PAPPA2: variants seen among roughly 807,000 people sequenced by gnomAD.
The protein encoded by PAPPA2 is pappalysin 2.
PAPPA2 carries 86 observed loss-of-function variants against 176.4 expected under a neutral mutation model. The observed-to-expected ratio is 0.49, with a 90% confidence interval of 0.41 to 0.58. PAPPA2 has a LOEUF of 0.58. PAPPA2 is among the 20% of genes least tolerant of loss of function. The pLI is 0.00. For missense variants in PAPPA2, 2,073 were observed against 2,256.9 expected (o/e 0.92, Z 1.65); for synonymous variants, 809 against 852.2 (o/e 0.95, Z 0.88).
At chr1:176,711,741 GA>G in intron 11 of PAPPA2, 93 bp from the exon 12 acceptor site, 1 of 1,386,102 alleles carries the variant, frequency 7.2e-7, no homozygotes, top group Non-Finnish European at 1.0e-6. Flanking sequence ...TTCAGAAAGA[GA>G]GAACAACTTT....
At chr1:176,800,841 T>G (rs1557880070) in intron 21 of PAPPA2, among the ~76,000 whole-genome samples, 1 of 152,200 alleles carries the variant, frequency 6.6e-6, no homozygotes, top group African/African-American at 2.4e-5. Flanking sequence ...GTAGACCTGT[T>G]GTCCACTGTT....
chr1:176,710,288 T>C, intron 11 of PAPPA2, 112 bp downstream of exon 11: 1 of 947,068 alleles, frequency 1.1e-6, no homozygotes, highest in Non-Finnish European at 1.6e-6. Context: ...AGTAAGGAGT[T>C]AGAAGCCCTA....
intron 17 of PAPPA2, among the ~76,000 whole-genome samples, chr1:176,772,204 C>G (rs1020332445): frequency 6.6e-6 from 1 of 152,152 alleles, no homozygotes; most frequent in Admixed American, 6.5e-5. Flanking sequence ...AAAAGAAACT[C>G]CTTGCATTTA....
intron 21 of PAPPA2, 150 bp downstream of exon 21, chr1:176,800,282 T>A: frequency 1.4e-6 from 1 of 739,362 alleles, no homozygotes; most frequent in Non-Finnish European, 2.1e-6. Flanking sequence ...TCCACGATCT[T>A]AAATTTACAG....
rs181085025 is a variant in PAPPA2 at position 176,466,737 on chromosome 1, C to G, written c.-917+3319C>G. Among the ~76,000 whole-genome samples, 39 of 152,174 alleles carry G rather than the reference C, an allele frequency of 2.6e-4. No homozygotes were observed. In the East Asian group the frequency reaches 7.6e-3, roughly 30 times the overall value. ...GCTATGAACCCCACCTAGGGGTGGC[C>G]CTGTGTATCTGTCGCAGCACAGACC... is the stretch of plus-strand genomic sequence containing the variant. On this transcript the variant is annotated intron_variant, in intron 1 of 22. Transcript: ENST00000367662.
At chr1:176,623,610 C>CTTACTTA (rs1558479000) in intron 3 of PAPPA2, among the ~76,000 whole-genome samples, 1 of 95,574 alleles carries the variant, frequency 1.0e-5, no homozygotes, top group Non-Finnish European at 2.2e-5. Flanking sequence ...TTCCTTCCTT[C>CTTACTTA]CTTCCTTCCT....
intron 14 of PAPPA2, among the ~76,000 whole-genome samples, chr1:176,764,827 A>G (rs551986604): frequency 6.6e-6 from 1 of 151,978 alleles, no homozygotes; most frequent in East Asian, 1.9e-4. Context: ...CTATCTCCTG[A>G]CCTCGTGATC....
At chr1:176,677,463 G>A (rs1316718287) in intron 4 of PAPPA2, among the ~76,000 whole-genome samples, 1 of 152,150 alleles carries the variant, frequency 6.6e-6, no homozygotes, top group Non-Finnish European at 1.5e-5. Context: ...TGCTTTCAAT[G>A]CTGTGTTAAC....
chr1:176,566,048 A>G (rs1201876456), intron 2 of PAPPA2, among the ~76,000 whole-genome samples: 1 of 152,242 alleles, frequency 6.6e-6, no homozygotes, highest in Non-Finnish European at 1.5e-5. Context: ...GTCACAATGC[A>G]TCAGATTCTG....
At chr1:176,756,923 G>A in intron 14 of PAPPA2, among the ~76,000 whole-genome samples, 1 of 152,122 alleles carries the variant, frequency 6.6e-6, no homozygotes. Flanking sequence ...TGTTCTCATT[G>A]TTCGACTCCC....
chr1:176,655,511 C>A (rs890287489), intron 3 of PAPPA2, among the ~76,000 whole-genome samples: 1 of 151,636 alleles, frequency 6.6e-6, no homozygotes, highest in African/African-American at 2.4e-5. Flanking sequence ...GGCCAACAAG[C>A]GGATTAAAAA....
chr1:176,780,352 G>T (rs1664657010), intron 17 of PAPPA2, among the ~76,000 whole-genome samples: 1 of 152,184 alleles, frequency 6.6e-6, no homozygotes, highest in Non-Finnish European at 1.5e-5. Context: ...AGTGTATACA[G>T]TGTGTTGCTC....
intron 14 of PAPPA2, among the ~76,000 whole-genome samples, chr1:176,751,200 A>G (rs1452656835): frequency 1.3e-5 from 2 of 151,590 alleles, no homozygotes; most frequent in East Asian, 1.9e-4. Context: ...ATTGATCTAT[A>G]TCTCTGTTTT....
intron 3 of PAPPA2, among the ~76,000 whole-genome samples, chr1:176,666,391 G>A (rs368565866): frequency 1.3e-4 from 20 of 152,172 alleles, no homozygotes; most frequent in African/African-American, 4.8e-4. Context: ...AATGGGATTA[G>A]GAGGTACATG....
intron 14 of PAPPA2, among the ~76,000 whole-genome samples, chr1:176,741,283 C>T (rs1216794217): frequency 6.6e-6 from 1 of 152,116 alleles, no homozygotes; most frequent in African/African-American, 2.4e-5. Context: ...AATTCACTTC[C>T]AAGCTCACTC....
Position 176,556,296 on chromosome 1 carries a change from G to T in PAPPA2, c.-27G>T, listed in dbSNP as rs1651279958. 6.3e-7 allele frequency: 1 copy of T among 1,598,718 alleles called. No homozygotes were observed. Among genetic ancestry groups the T allele is most frequent in the South Asian group, 1.1e-5 (1 of 88,606 alleles). ...GTGTGGTACCCAGAAGTTGACTTCT[G>T]GTTCTGTAGAAAGAGCTAGGGGAGG... On this transcript the variant is annotated 5_prime_UTR_variant, in exon 2 of 23. Coordinates refer to ENST00000367662, the MANE Select transcript of PAPPA2 (RefSeq NM_020318.3).
chr1:176,641,421 T>C (rs2102727972), intron 3 of PAPPA2, among the ~76,000 whole-genome samples: 3 of 151,130 alleles, frequency 2.0e-5, no homozygotes, highest in East Asian at 4.0e-4. Flanking sequence ...TAGCCAGTTT[T>C]CCCAGCACCA....
chr1:176,615,307 G>GGTTTT (rs750051948), intron 3 of PAPPA2, among the ~76,000 whole-genome samples: 9 of 152,144 alleles, frequency 5.9e-5, no homozygotes, highest in East Asian at 1.9e-4. Context: ...TCACAATGGA[G>GGTTTT]GTTTTGTTTT....
intron 6 of PAPPA2, among the ~76,000 whole-genome samples, chr1:176,693,578 G>A (rs1205527464): frequency 1.3e-5 from 2 of 152,256 alleles, no homozygotes; most frequent in African/African-American, 2.4e-5. Context: ...AGGCAAGAGA[G>A]AGACAGGGAT....
Sources: allele counts gnomAD v4.1 joint callset (sites outside exome capture counted in the v4.1 genomes callset), GRCh38; gene constraint gnomAD v4.1.1; transcripts MANE v1.5; gene names NCBI Gene and HGNC (gene_info 2026-07-23, HGNC 2026-07-21).